The following CCDC170 variants were observed in gnomAD, a reference collection of about 807,000 sequenced individuals.
CCDC170 encodes the protein coiled-coil domain containing 170.
Under a neutral mutation model 72.6 loss-of-function variants are expected in CCDC170, and 69 were observed. The ratio of observed to expected loss-of-function variants is 0.95; its 90% CI spans 0.78 to 1.16. The LOEUF is 1.16. Ranked by LOEUF, CCDC170 falls within the 50% of genes most tolerant of loss-of-function variation. The pLI is 0.00. For synonymous variants in CCDC170, 300 were observed against 303.9 expected (o/e 0.99, Z 0.13); for missense variants, 852 against 832.5 (o/e 1.02, Z -0.29).
At chr6:151,514,392 G>A (rs1246578784) in intron 1 of CCDC170, among the ~76,000 whole-genome samples, 1 of 149,416 alleles carries the variant, frequency 6.7e-6, no homozygotes, top group Non-Finnish European at 1.5e-5. Flanking sequence ...AGGAAGGAAG[G>A]AAGGAAGGGA....
chr6:151,590,559 C>T (rs970789789), intron 7 of CCDC170, among the ~76,000 whole-genome samples: 16 of 152,176 alleles, frequency 1.1e-4, no homozygotes, highest in Non-Finnish European at 1.8e-4. Context: ...AGTTTAAATG[C>T]TAAATGCAGG....
chr6:151,556,695 T>C (rs969667699), intron 5 of CCDC170, among the ~76,000 whole-genome samples: 5 of 152,062 alleles, frequency 3.3e-5, no homozygotes, highest in African/African-American at 1.2e-4. Flanking sequence ...GTATTTAAGG[T>C]CTTCATCACC....
intron 5 of CCDC170, among the ~76,000 whole-genome samples, chr6:151,557,133 G>A (rs1782992226): frequency 6.6e-6 from 1 of 152,074 alleles, no homozygotes; most frequent in Non-Finnish European, 1.5e-5. Flanking sequence ...TTCAGGCCTG[G>A]CGCAGAGGCT....
At chr6:151,557,196 A>C (rs115582580) in intron 5 of CCDC170, among the ~76,000 whole-genome samples, 2,853 of 152,012 alleles carry the variant, frequency 0.019, 100 homozygotes, top group African/African-American at 0.065. Flanking sequence ...ATCATGACGT[A>C]AGGAGACCGA....
chr6:151,507,254 C>T (rs1015057846), intron 1 of CCDC170, among the ~76,000 whole-genome samples: 5 of 151,898 alleles, frequency 3.3e-5, no homozygotes, highest in Non-Finnish European at 5.9e-5. Flanking sequence ...TCGGTGCTCA[C>T]GGTAGCCTAA....
intron 1 of CCDC170, among the ~76,000 whole-genome samples, chr6:151,502,365 A>T (rs933795407): frequency 6.6e-6 from 1 of 152,240 alleles, no homozygotes; most frequent in South Asian, 2.1e-4. Flanking sequence ...TCAGTCTCAT[A>T]AAAATAAATA....
chr6:151,611,541 G>A (rs907017516), intron 9 of CCDC170, among the ~76,000 whole-genome samples: 2 of 152,052 alleles, frequency 1.3e-5, no homozygotes, highest in African/African-American at 4.8e-5. Flanking sequence ...CATTCAAGAT[G>A]GCTCTGCCTT....
rs113043813 is a variant in CCDC170, at chr6:151,512,168, T to TG, written c.57+17983_57+17984insG. ...CAGTATACCGTTTTTTTTTGTTTTT[T>TG]TTTTTTTTTGAGATGGAGTCTCGCT... is the stretch of plus-strand genomic sequence containing the variant. On this transcript the variant is annotated intron_variant, in intron 1 of 10. Coordinates refer to ENST00000239374, the MANE Select transcript of CCDC170 (RefSeq NM_025059.4). 3.3e-3 allele frequency among the ~76,000 whole-genome samples: 495 copies of TG among 150,108 alleles called. 1 individual carries two copies. The highest frequency in any genetic ancestry group is 0.012 in the African/African-American group (482 of 40,634).
At chr6:151,542,809 A>G (rs1782711307) in intron 3 of CCDC170, among the ~76,000 whole-genome samples, 1 of 152,212 alleles carries the variant, frequency 6.6e-6, no homozygotes, top group Non-Finnish European at 1.5e-5. Flanking sequence ...GGGTTAATGT[A>G]TGGAATCCTA....
intron 9 of CCDC170, among the ~76,000 whole-genome samples, chr6:151,610,097 T>C (rs1776846892): frequency 6.6e-6 from 1 of 152,212 alleles, no homozygotes; most frequent in East Asian, 1.9e-4. Context: ...ATATTTTCTT[T>C]GTAGCAGTGA....
At chr6:151,507,498 C>CA (rs1182671662) in intron 1 of CCDC170, among the ~76,000 whole-genome samples, 2 of 151,856 alleles carry the variant, frequency 1.3e-5, no homozygotes, top group Non-Finnish European at 2.9e-5. Context: ...AATGCAGTCA[C>CA]AAAAAATTAT....
At chr6:151,521,274 G>C (rs1033231046) in intron 1 of CCDC170, among the ~76,000 whole-genome samples, 1 of 152,130 alleles carries the variant, frequency 6.6e-6, no homozygotes, top group Non-Finnish European at 1.5e-5. Flanking sequence ...GTCTACCTAT[G>C]CCTGTCCCAA....
At chr6:151,608,593 G>A (rs1776820582) in intron 9 of CCDC170, among the ~76,000 whole-genome samples, 1 of 152,200 alleles carries the variant, frequency 6.6e-6, no homozygotes, top group South Asian at 2.1e-4. Context: ...AGCAGTATCT[G>A]TGAGTACTTC....
At chr6:151,507,198 T>C (rs774774535) in intron 1 of CCDC170, among the ~76,000 whole-genome samples, 44 of 152,154 alleles carry the variant, frequency 2.9e-4, no homozygotes, top group Non-Finnish European at 5.7e-4. Context: ...AAGAGCCTGT[T>C]GTAGCCCCTG....
intron 1 of CCDC170, among the ~76,000 whole-genome samples, chr6:151,508,411 G>A (rs922541449): frequency 2.0e-5 from 3 of 151,976 alleles, no homozygotes; most frequent in African/African-American, 4.8e-5. Flanking sequence ...GTGGGGGGGC[G>A]CCTGTAGTCC....
In CCDC170 at chr6:151,494,235, G is replaced by T; in HGVS notation, c.57+50G>T. 3.5e-6 allele frequency: 5 copies of T among 1,444,458 alleles called. No homozygotes were observed. The South Asian group carries it at 5.4e-5, about 16-fold the overall frequency. 89.5% of individuals were successfully genotyped at this position (1,444,458 alleles called of 1,614,324 possible). On this transcript the variant is annotated intron_variant, in intron 1 of 10. Coordinates refer to ENST00000239374, the MANE Select transcript of CCDC170 (RefSeq NM_025059.4). ...CGCGGGGGTGGCCCTGGGGATAGAC[G>T]ACCCAGGAGGGGCCGAGGCGCCCCT...
chr6:151,499,863 T>C (rs1357048554), intron 1 of CCDC170, among the ~76,000 whole-genome samples: 1 of 152,246 alleles, frequency 6.6e-6, no homozygotes, highest in Non-Finnish European at 1.5e-5. Context: ...CACACTTGTG[T>C]TGTTTCTATC....
chr6:151,520,607 G>C (rs1782301824), intron 1 of CCDC170, among the ~76,000 whole-genome samples: 1 of 152,196 alleles, frequency 6.6e-6, no homozygotes, highest in Non-Finnish European at 1.5e-5. Context: ...AGAAATTATG[G>C]TTAAGGAGTC....
At chr6:151,516,579 A>G (rs1191312199) in intron 1 of CCDC170, among the ~76,000 whole-genome samples, 1 of 152,192 alleles carries the variant, frequency 6.6e-6, no homozygotes, top group Non-Finnish European at 1.5e-5. Context: ...GATTAAGGAC[A>G]CAGACACACA....
Sources: allele counts gnomAD v4.1 joint callset (sites outside exome capture counted in the v4.1 genomes callset), GRCh38; gene constraint gnomAD v4.1.1; transcripts MANE v1.5; gene names NCBI Gene and HGNC (gene_info 2026-07-23, HGNC 2026-07-21).